ASCC3: variants seen among roughly 807,000 people sequenced by gnomAD.
ASCC3 encodes the protein activating signal cointegrator 1 complex subunit 3.
In ASCC3, 158 loss-of-function variants were observed where a neutral mutation model predicts 256.3. That is an observed-to-expected ratio of 0.62 (90% CI 0.54 to 0.70). The LOEUF is 0.70. ASCC3 is among the 30% of genes least tolerant of loss of function. The pLI is 0.00. For missense variants in ASCC3, 2,259 were observed against 2,626.0 expected (o/e 0.86, Z 3.05); for synonymous variants, 948 against 883.4 (o/e 1.07, Z -1.30).
intron 16 of ASCC3, among the ~76,000 whole-genome samples, chr6:100,660,342 T>C (rs239225): frequency 9.2e-4 from 139 of 151,724 alleles, no homozygotes; most frequent in African/African-American, 3.1e-3. Context: ...CGTGAAGCAC[T>C]GAGCAGAGTC....
chr6:100,563,101 T>A (rs975337229), intron 36 of ASCC3, among the ~76,000 whole-genome samples: 2 of 152,088 alleles, frequency 1.3e-5, no homozygotes, highest in South Asian at 2.1e-4. Context: ...GCTATTTTTT[T>A]AAATATTATG....
chr6:100,512,605 G>T, intron 40 of ASCC3, 104 bp downstream of exon 40: 1 of 1,197,212 alleles, frequency 8.4e-7, no homozygotes, highest in Non-Finnish European at 1.2e-6. Context: ...GAGAAAGCAG[G>T]ATTCATGAAT....
At chr6:100,670,279 G>A (rs189209387) in intron 14 of ASCC3, among the ~76,000 whole-genome samples, 131 of 151,994 alleles carry the variant, frequency 8.6e-4, no homozygotes, top group Non-Finnish European at 1.6e-3. Flanking sequence ...AAAGTTATGT[G>A]GGGGTAAAGC....
intron 20 of ASCC3, 60 bp downstream of exon 20, chr6:100,650,478 C>T (rs1775606613): frequency 6.5e-7 from 1 of 1,548,036 alleles, no homozygotes; most frequent in East Asian, 2.3e-5. Flanking sequence ...CATGAATTAA[C>T]ACCTTGGTCC....
At chr6:100,561,724 A>G (rs1769961750) in intron 36 of ASCC3, among the ~76,000 whole-genome samples, 2 of 152,088 alleles carry the variant, frequency 1.3e-5, no homozygotes, top group South Asian at 4.1e-4. Context: ...ACTGATTCTG[A>G]GCTGTTCATT....
chr6:100,651,465 G>A, intron 19 of ASCC3, 95 bp downstream of exon 19: 1 of 518,280 alleles, frequency 1.9e-6, no homozygotes, highest in Non-Finnish European at 3.3e-6. Flanking sequence ...AATGTGATGT[G>A]CCATACAGCT....
chr6:100,696,387 A>C (rs1293612606), intron 13 of ASCC3, among the ~76,000 whole-genome samples: 1 of 152,136 alleles, frequency 6.6e-6, no homozygotes, highest in Non-Finnish European at 1.5e-5. Flanking sequence ...TTGGCACATA[A>C]AATTTCATAT....
chr6:100,849,418 C>T (rs1177957228), intron 3 of ASCC3, among the ~76,000 whole-genome samples: 1 of 151,984 alleles, frequency 6.6e-6, no homozygotes, highest in Non-Finnish European at 1.5e-5. Context: ...TTCAAGGAAA[C>T]CTCAAATATC....
At chr6:100,516,044 A>T (rs1774008490) in intron 39 of ASCC3, 136 bp downstream of exon 39, 1 of 1,059,884 alleles carries the variant, frequency 9.4e-7, no homozygotes, top group Non-Finnish European at 1.5e-6. Flanking sequence ...TCATGTTCAT[A>T]ATCATAGTAG....
At chr6:100,642,019 G>C (rs1157176392) in intron 24 of ASCC3, among the ~76,000 whole-genome samples, 2 of 147,174 alleles carry the variant, frequency 1.4e-5, no homozygotes, top group African/African-American at 2.5e-5. Context: ...GTTGCGGAGT[G>C]GGGGGAGGGG....
chr6:100,848,274 A>T lies in ASCC3; in HGVS notation c.675T>A (p.Cys225Ter). 6.2e-7 allele frequency: 1 copy of T among 1,614,088 alleles called. No individual in the cohort carries two copies. Among genetic ancestry groups the T allele is most frequent in the Non-Finnish European group, 8.5e-7 (1 of 1,180,006 alleles). The change falls in exon 4 of 42, where the codon TGT (cysteine) becomes TGA (stop). Residue 225 changes from cysteine (C) to a stop codon, truncating the protein, a stop_gained. Transcript: ENST00000369162. LOFTEE classifies it high-confidence loss of function. ...TTGAATTTAGGTACTTTTCAACTTCACACCACAAAAAGGAGCCATTTGTTT... is the reference window on the plus strand; with the variant it reads ...TTGAATTTAGGTACTTTTCAACTTCTCACCACAAAAAGGAGCCATTTGTTT... ...VEKTNGSFLW[C>*]EVEKYLNSTL...
At chr6:100,666,198 AT>A (rs1776466450) in intron 14 of ASCC3, among the ~76,000 whole-genome samples, 1 of 152,156 alleles carries the variant, frequency 6.6e-6, no homozygotes, top group Non-Finnish European at 1.5e-5. Flanking sequence ...AGATGGGCAC[AT>A]TACAGTCTGT....
intron 36 of ASCC3, among the ~76,000 whole-genome samples, chr6:100,572,956 A>T (rs961169383): frequency 2.6e-5 from 4 of 152,146 alleles, no homozygotes; most frequent in African/African-American, 9.6e-5. Flanking sequence ...ATTGTTACAT[A>T]AATAAAAGGT....
At chr6:100,646,904 C>T in intron 21 of ASCC3, 135 bp from the exon 22 acceptor site, 1 of 940,074 alleles carries the variant, frequency 1.1e-6, no homozygotes, top group Non-Finnish European at 1.7e-6. Flanking sequence ...AGCTGACATT[C>T]TTGACCTGGC....
intron 13 of ASCC3, among the ~76,000 whole-genome samples, chr6:100,693,101 T>C (rs239209): frequency 0.52 from 78,634 of 151,668 alleles, 20,497 homozygotes; most frequent in Middle Eastern, 0.61. Flanking sequence ...GAATTTAAGA[T>C]ACATATATAT....
At chr6:100,626,171 C>G (rs916231157) in intron 29 of ASCC3, among the ~76,000 whole-genome samples, 1 of 151,804 alleles carries the variant, frequency 6.6e-6, no homozygotes, top group Admixed American at 6.6e-5. Context: ...TTGTTTTTTG[C>G]TTTACATAGG....
At chr6:100,571,340 A>C (rs1770581562) in intron 36 of ASCC3, among the ~76,000 whole-genome samples, 1 of 152,156 alleles carries the variant, frequency 6.6e-6, no homozygotes, top group Admixed American at 6.5e-5. Flanking sequence ...TTACCATCAT[A>C]AACTATCCTA....
rs1406941066 is a variant in ASCC3 at position 100,718,102 on chromosome 6, T to C, written c.2052A>G (p.Thr684=). ...TATTTGCACATTTAATCCCCAAAAA[T>C]GTCTGTCCAAGAGGTACTGGTCGAA... The part of the protein sequence containing the change: ...GRFRPVPLGQ[T]FLGIKCANKM... Residue 684 remains threonine (T), a synonymous_variant, in exon 12 of 42, where the codon ACA becomes ACG. Coordinates refer to ENST00000369162, the MANE Select transcript of ASCC3 (RefSeq NM_006828.4). 2 of 1,613,452 alleles carry C rather than the reference T, an allele frequency of 1.2e-6. No individual in the cohort carries two copies. The highest frequency in any genetic ancestry group is 2.2e-5 in the South Asian group (2 of 91,062).
chr6:100,710,279 G>T (rs189986170), intron 13 of ASCC3, among the ~76,000 whole-genome samples: 3 of 152,276 alleles, frequency 2.0e-5, no homozygotes, highest in Non-Finnish European at 2.9e-5. Flanking sequence ...ATGGAGAGGT[G>T]ATATTTATCT....
Sources: allele counts gnomAD v4.1 joint callset (sites outside exome capture counted in the v4.1 genomes callset), GRCh38; gene constraint gnomAD v4.1.1; transcripts MANE v1.5; gene names NCBI Gene and HGNC (gene_info 2026-07-23, HGNC 2026-07-21).